Variants in PDLIM5 observed in about 807,000 individuals in gnomAD.
PDLIM5 encodes PDZ and LIM domain 5.
Under a neutral mutation model 64.2 loss-of-function variants are expected in PDLIM5, and 34 were observed. The observed-to-expected ratio is 0.53, with a 90% confidence interval of 0.40 to 0.71. PDLIM5 has a LOEUF of 0.71. Among genes scored for constraint, PDLIM5 ranks in the 30% least tolerant of loss-of-function variants. The pLI, the probability that PDLIM5 is intolerant of heterozygous loss-of-function variation, is 0.00. For missense variants in PDLIM5, 683 were observed against 733.6 expected, an observed-to-expected ratio of 0.93 and a Z score of 0.80; for synonymous variants, 253 against 269.1, an observed-to-expected ratio of 0.94 and a Z score of 0.59.
chr4:94,635,727 G>A (rs144716925), intron 8 of PDLIM5, among the ~76,000 whole-genome samples: 30 of 152,232 alleles, frequency 2.0e-4, no homozygotes, highest in African/African-American at 4.8e-4. Context: ...CCTCTTCCCC[G>A]TAAGCCAAGT....
intron 2 of PDLIM5, among the ~76,000 whole-genome samples, chr4:94,466,063 G>C (rs1322024970): frequency 6.6e-6 from 1 of 152,048 alleles, no homozygotes; most frequent in Non-Finnish European, 1.5e-5. Context: ...CTGGGTTCAA[G>C]TGATCCTCCT....
At chr4:94,457,156 A>T (rs1051579389) in intron 2 of PDLIM5, 1 of 966,646 alleles carries the variant, frequency 1.0e-6, no homozygotes, top group African/African-American at 1.8e-5. Context: ...TAACGCCTAA[A>T]TATCCTTATT....
Position 94,640,311 on chromosome 4 carries a change from TACTC to T in PDLIM5, c.1146_1149del (p.Tyr382Ter), listed in dbSNP as rs1416452850. 1 of 1,610,950 alleles carries T rather than the reference TACTC, an allele frequency of 6.2e-7. No homozygotes were observed. Among genetic ancestry groups the T allele is most frequent in the Non-Finnish European group, 8.5e-7 (1 of 1,177,342 alleles). ...TGGAAGAATCTCAAACAGCGCTACT[TACTC>T]AGGATCAGTGGCACCAGCCAACTCA... On this transcript the variant is annotated frameshift_variant, in exon 9 of 13. Transcript: ENST00000317968. LOFTEE classifies it high-confidence loss of function.
chr4:94,598,180 A>G (rs930428409), intron 7 of PDLIM5, among the ~76,000 whole-genome samples: 6 of 152,184 alleles, frequency 3.9e-5, no homozygotes, highest in Non-Finnish European at 8.8e-5. Context: ...GCAGGGAGAT[A>G]TAGCATACAT....
At chr4:94,579,203 G>T (rs866107358) in intron 5 of PDLIM5, 1 of 184,990 alleles carries the variant, frequency 5.4e-6, no homozygotes, top group Non-Finnish European at 1.1e-5. Context: ...CAAATTATTG[G>T]TCATAGCTGG....
intron 8 of PDLIM5, among the ~76,000 whole-genome samples, chr4:94,630,721 G>A (rs1052451749): frequency 6.6e-6 from 1 of 152,096 alleles, no homozygotes; most frequent in Non-Finnish European, 1.5e-5. Context: ...CTGACTTAAT[G>A]AGAATGAAGT....
At chr4:94,524,815 G>A (rs1379738474) in intron 3 of PDLIM5, among the ~76,000 whole-genome samples, 1 of 152,042 alleles carries the variant, frequency 6.6e-6, no homozygotes, top group Non-Finnish European at 1.5e-5. Flanking sequence ...AGTTCTCTGT[G>A]GTTATTATGA....
In PDLIM5 at chr4:94,524,099, A is replaced by G. The variant is rs138496666; in HGVS notation, c.248+224A>G. On this transcript the variant is annotated intron_variant, in intron 3 of 12. Transcript: ENST00000317968. Reference sequence around the variant, plus strand: ...GGCATGTATTCCCATACTAATAAAAATTGTGTGGGCCTGTAATCCCAGCAC... The same window carrying G: ...GGCATGTATTCCCATACTAATAAAAGTTGTGTGGGCCTGTAATCCCAGCAC... 3.8e-3 allele frequency among the ~76,000 whole-genome samples: 573 copies of G among 152,164 alleles called. 3 individuals carry two copies. Among genetic ancestry groups the G allele is most frequent in the African/African-American group, 0.013 (544 of 41,526 alleles).
chr4:94,603,004 A>G (rs1737622730), intron 7 of PDLIM5, among the ~76,000 whole-genome samples: 1 of 152,208 alleles, frequency 6.6e-6, no homozygotes, highest in African/African-American at 2.4e-5. Flanking sequence ...AAGTAATAAT[A>G]TTATCATTAA....
At chr4:94,608,517 C>G (rs1328355438) in intron 7 of PDLIM5, among the ~76,000 whole-genome samples, 1 of 152,076 alleles carries the variant, frequency 6.6e-6, no homozygotes, top group East Asian at 1.9e-4. Context: ...CAATATGTTA[C>G]CAGGTGCCCA....
chr4:94,525,979 C>G (rs1019318446), intron 3 of PDLIM5, among the ~76,000 whole-genome samples: 1 of 151,922 alleles, frequency 6.6e-6, no homozygotes, highest in Non-Finnish European at 1.5e-5. Flanking sequence ...TTTAATTTAC[C>G]AAGTATGAAT....
At chr4:94,612,265 T>A (rs2110379652) in intron 7 of PDLIM5, among the ~76,000 whole-genome samples, 1 of 152,214 alleles carries the variant, frequency 6.6e-6, no homozygotes, top group African/African-American at 2.4e-5. Context: ...TATATATATA[T>A]TTACCTATTA....
At chr4:94,660,795 T>A (rs565688984) in intron 11 of PDLIM5, among the ~76,000 whole-genome samples, 1 of 152,076 alleles carries the variant, frequency 6.6e-6, no homozygotes, top group Non-Finnish European at 1.5e-5. Context: ...TGAGGTTGGA[T>A]TGACAATGTC....
chr4:94,576,314 G>A (rs1359740817), intron 5 of PDLIM5, among the ~76,000 whole-genome samples: 1 of 152,186 alleles, frequency 6.6e-6, no homozygotes, highest in Non-Finnish European at 1.5e-5. Context: ...TTGAGCAGCT[G>A]GCACTTGTAA....
chr4:94,667,089 A>G lies in PDLIM5; in HGVS notation c.*3022A>G, dbSNP rs1403547536. 1 of 152,244 alleles carries G rather than the reference A, an allele frequency of 6.6e-6. No homozygotes were observed. The highest frequency in any genetic ancestry group is 1.9e-4 in the East Asian group (1 of 5,204). 9.4% of individuals were successfully genotyped at this position (152,244 alleles called of 1,614,324 possible). ...ATTACTTCTTCACTATAGAGCATTTACTTTTAGTCTCTAGATGTATATTTT... is the reference window on the plus strand; with the variant it reads ...ATTACTTCTTCACTATAGAGCATTTGCTTTTAGTCTCTAGATGTATATTTT... On this transcript the variant is annotated 3_prime_UTR_variant, in exon 13 of 13. Transcript: ENST00000317968.
intron 7 of PDLIM5, among the ~76,000 whole-genome samples, chr4:94,595,589 A>C (rs1023776407): frequency 6.6e-6 from 1 of 152,236 alleles, no homozygotes; most frequent in African/African-American, 2.4e-5. Flanking sequence ...CATAAATTAC[A>C]TATTTCTGAA....
chr4:94,582,443 G>T, intron 5 of PDLIM5: 1 of 347,962 alleles, frequency 2.9e-6, no homozygotes, highest in South Asian at 8.1e-5. Flanking sequence ...TCAGTGTTTT[G>T]TGGGATGGGG....
intron 3 of PDLIM5, among the ~76,000 whole-genome samples, chr4:94,534,367 A>G (rs10026467): frequency 0.069 from 10,535 of 152,218 alleles, 532 homozygotes; most frequent in African/African-American, 0.14. Context: ...CAGGACTACC[A>G]TTTATTACTG....
chr4:94,462,133 G>C (rs1429195476), intron 2 of PDLIM5, among the ~76,000 whole-genome samples: 2 of 152,162 alleles, frequency 1.3e-5, no homozygotes, highest in African/African-American at 4.8e-5. Flanking sequence ...AAAGTGCTGG[G>C]ATTACAGGCG....
Sources: gnomAD v4.1 joint callset for allele counts (sites outside exome capture counted in the v4.1 genomes callset) on GRCh38, gnomAD v4.1.1 for gene constraint, MANE v1.5 for transcripts, NCBI Gene and HGNC (gene_info 2026-07-23, HGNC 2026-07-21) for gene names.